The following YBEY variants were observed in gnomAD, a reference collection of about 807,000 sequenced individuals.
YBEY encodes the protein endoribonuclease YbeY.
A neutral mutation model predicts 13.5 loss-of-function variants in YBEY; 15 were observed. The ratio of observed to expected loss-of-function variants is 1.11; its 90% CI spans 0.75 to 1.72. The LOEUF (loss-of-function observed/expected upper bound fraction) is 1.72, where lower values mean the gene tolerates loss of function less well. Among genes scored for constraint, YBEY ranks in the 40% most tolerant of loss-of-function variants. The probability of loss-of-function intolerance (pLI) is 0.00; values close to 1 mark genes in which losing one functional copy is unlikely to be tolerated. For missense variants in YBEY, 244 were observed against 208.4 expected (o/e 1.17, Z -1.05); for synonymous variants, 101 against 83.1 (o/e 1.21, Z -1.17).
chr21:46,304,030 T>G, the YBEY span, among the ~76,000 whole-genome samples: 7 of 111,846 alleles, frequency 6.3e-5, no homozygotes, highest in East Asian at 2.6e-4. Context: ...GTTTTTTTTT[T>G]TTTTTTTTTT....
the YBEY span, chr21:46,311,492 C>T: frequency 7.8e-5 from 126 of 1,610,946 alleles, no homozygotes; most frequent in South Asian, 1.0e-4. Context: ...GTAGGGAAGG[C>T]CTGGGGAGGA....
At chr21:46,306,371 C>T in the YBEY span, among the ~76,000 whole-genome samples, 2 of 150,774 alleles carry the variant, frequency 1.3e-5, no homozygotes, top group Middle Eastern at 3.5e-3. Flanking sequence ...TGGTGGCACA[C>T]GCCTGTAGTC....
At chr21:46,299,177 G>A (rs914252), downstream of YBEY, among the ~76,000 whole-genome samples, 95,559 of 151,368 alleles carry the variant, frequency 0.63, 31,133 homozygotes, top group Non-Finnish European at 0.72. Context: ...CATGTTGGCC[G>A]GGCAGGTCTC....
intron 4 of YBEY, among the ~76,000 whole-genome samples, chr21:46,296,980 G>A (rs1032004472): frequency 4.1e-5 from 6 of 144,994 alleles, no homozygotes; most frequent in African/African-American, 1.3e-4. Flanking sequence ...TGGGCAACAA[G>A]AGTGAAAGTC....
chr21:46,306,069 CAAAAA>C, the YBEY span, among the ~76,000 whole-genome samples: 1 of 122,450 alleles, frequency 8.2e-6, no homozygotes, highest in Non-Finnish European at 1.7e-5. Context: ...CACTGTGACT[CAAAAA>C]AAAAAAAAAA....
At chr21:46,312,440 T>A in the YBEY span, among the ~76,000 whole-genome samples, 4 of 152,164 alleles carry the variant, frequency 2.6e-5, no homozygotes, top group Admixed American at 1.3e-4. Context: ...TGCCTCAGCC[T>A]CCCGAGTAGC....
At chr21:46,311,815 C>T in the YBEY span, among the ~76,000 whole-genome samples, 1 of 151,598 alleles carries the variant, frequency 6.6e-6, no homozygotes, top group Non-Finnish European at 1.5e-5. Context: ...ATTCATCCAC[C>T]CACCCATCCA....
intron 4 of YBEY, among the ~76,000 whole-genome samples, chr21:46,297,270 C>T (rs1323981175): frequency 7.6e-5 from 11 of 145,134 alleles, no homozygotes; most frequent in Non-Finnish European, 1.5e-4. Flanking sequence ...TCCCCCTTCC[C>T]TTCCCACCTC....
chr21:46,287,182 C>G, intron 2 of YBEY, 59 bp downstream of exon 2: 1 of 1,482,204 alleles, frequency 6.7e-7, no homozygotes, highest in Non-Finnish European at 9.1e-7. Flanking sequence ...AATTTCCTGT[C>G]GTTTTGTTTT....
intron 2 of YBEY, among the ~76,000 whole-genome samples, chr21:46,289,448 T>TTG (rs1555918295): frequency 2.3e-5 from 3 of 132,786 alleles, no homozygotes; most frequent in South Asian, 4.8e-4. Context: ...AGGGTTTTGT[T>TTG]TTTTTTTTTT....
chr21:46,307,093 A>G, the YBEY span, among the ~76,000 whole-genome samples: 60 of 142,068 alleles, frequency 4.2e-4, no homozygotes, highest in Non-Finnish European at 7.1e-4. Flanking sequence ...ACGGGATTTC[A>G]CCATGTTGGC....
the YBEY span, among the ~76,000 whole-genome samples, chr21:46,303,411 A>C: frequency 3.1e-4 from 47 of 152,074 alleles, no homozygotes; most frequent in African/African-American, 1.1e-3. Flanking sequence ...AACCACAAGA[A>C]GGATGGAACA....
At chr21:46,294,915 C>T (rs1021464844) in intron 3 of YBEY, among the ~76,000 whole-genome samples, 9 of 152,340 alleles carry the variant, frequency 5.9e-5, no homozygotes, top group Non-Finnish European at 1.2e-4. Context: ...CAGCCAGACC[C>T]AGTGTGAAAG....
At position 46,286,880 on chromosome 21, in the gene YBEY, A is replaced by G; in HGVS notation, c.-34A>G. The G allele has an allele frequency of 6.2e-7, 1 of 1,611,060 alleles. No individual in the cohort carries two copies. Among genetic ancestry groups the G allele is most frequent in the Non-Finnish European group, 8.5e-7 (1 of 1,177,878 alleles). On this transcript the variant is annotated 5_prime_UTR_variant, in exon 2 of 5. Coordinates refer to ENST00000397701, the MANE Select transcript of YBEY (RefSeq NM_001314025.2). ...ACACTTTAACCCCAGGTTCCGTTGC[A>G]AACATTTTTAAAGGGCTGGTTATTC...
chr21:46,290,773 C>T (rs926538656), intron 2 of YBEY, among the ~76,000 whole-genome samples: 8 of 151,768 alleles, frequency 5.3e-5, no homozygotes, highest in Middle Eastern at 3.4e-3. Flanking sequence ...AGGCCAGACG[C>T]GGTGGCTCAC....
chr21:46,286,795 T>G, intron 1 of YBEY, 75 bp from the exon 2 acceptor site: 1 of 825,664 alleles, frequency 1.2e-6, no homozygotes, highest in Non-Finnish European at 1.9e-6. Flanking sequence ...GTGATCTGAT[T>G]GCGCGTGCAT....
At chr21:46,293,175 CCCG>C (rs1369532942) in intron 3 of YBEY, among the ~76,000 whole-genome samples, 56 of 77,488 alleles carry the variant, frequency 7.2e-4, no homozygotes, top group East Asian at 2.0e-3. Context: ...TTAAATTCCT[CCCG>C]CGGTTAGCCT....
Position 46,286,942 on chromosome 21 carries a change from G to T in YBEY, c.29G>T (p.Arg10Leu). The change falls in exon 2 of 5, where the codon CGA (arginine) becomes CTA (leucine). Residue 10 changes from arginine to leucine, a missense_variant. Arg to Leu is a moderately radical substitution (Grantham distance 102). Transcript: ENST00000397701. MSLVIRNLQ[R>L]VIPIRRAPLR... ...AGTTTGGTGATTAGAAATCTGCAGC[G>T]AGTCATCCCCATCAGGAGAGCGCCA... 6.2e-7 allele frequency: 1 copy of T among 1,613,928 alleles called. No homozygotes were observed. Among genetic ancestry groups the T allele is most frequent in the East Asian group, 2.2e-5 (1 of 44,870 alleles).
At chr21:46,287,742 G>A (rs2081520195) in intron 2 of YBEY, among the ~76,000 whole-genome samples, 1 of 152,118 alleles carries the variant, frequency 6.6e-6, no homozygotes, top group South Asian at 2.1e-4. Flanking sequence ...CATAATCCCA[G>A]CACTTTGGGA....
Sources: gnomAD v4.1 joint callset for allele counts (sites outside exome capture counted in the v4.1 genomes callset) on GRCh38, gnomAD v4.1.1 for gene constraint, MANE v1.5 for transcripts, NCBI Gene and HGNC (gene_info 2026-07-23, HGNC 2026-07-21) for gene names.